TDRD5: variants seen among roughly 807,000 people sequenced by gnomAD.
The protein encoded by TDRD5 is tudor domain containing 5.
Under a neutral mutation model 120.6 loss-of-function variants are expected in TDRD5, and 41 were observed. The ratio of observed to expected loss-of-function variants is 0.34; its 90% CI spans 0.26 to 0.44. The LOEUF (loss-of-function observed/expected upper bound fraction) is 0.44, where lower values mean the gene tolerates loss of function less well. Ranked by LOEUF, TDRD5 falls within the 20% of genes least tolerant of loss-of-function variation. TDRD5 has a pLI of 1.00. For missense variants in TDRD5, 1,006 were observed against 1,221.2 expected, an observed-to-expected ratio of 0.82 and a Z score of 2.63; for synonymous variants, 430 against 433.7, an observed-to-expected ratio of 0.99 and a Z score of 0.11.
chr1:179,600,983 C>A (rs1675673730), intron 4 of TDRD5, among the ~76,000 whole-genome samples: 1 of 152,116 alleles, frequency 6.6e-6, no homozygotes, highest in Non-Finnish European at 1.5e-5. Flanking sequence ...ACATAGATTT[C>A]ATTCCTTATA....
At chr1:179,650,637 C>T (rs1179623557) in intron 11 of TDRD5, among the ~76,000 whole-genome samples, 2 of 152,026 alleles carry the variant, frequency 1.3e-5, no homozygotes, top group Admixed American at 1.3e-4. Context: ...GGAAGTTGCA[C>T]ATCACATAAT....
chr1:179,664,488 C>A (rs914313839), intron 16 of TDRD5, among the ~76,000 whole-genome samples: 2 of 152,144 alleles, frequency 1.3e-5, no homozygotes, highest in Non-Finnish European at 1.5e-5. Flanking sequence ...CCTCTCACAG[C>A]CTTAGGCAGC....
chr1:179,656,023 T>G (rs1678989316), intron 14 of TDRD5, among the ~76,000 whole-genome samples: 1 of 152,230 alleles, frequency 6.6e-6, no homozygotes, highest in Non-Finnish European at 1.5e-5. Context: ...TCAAACTTTT[T>G]TCCAGAGTGG....
intron 11 of TDRD5, among the ~76,000 whole-genome samples, chr1:179,647,819 T>C (rs1678470550): frequency 6.9e-6 from 1 of 145,848 alleles, no homozygotes; most frequent in Admixed American, 7.0e-5. Flanking sequence ...AAGAAGACAT[T>C]TATGCAGCCA....
chr1:179,651,167 A>G, intron 12 of TDRD5, 100 bp downstream of exon 12: 1 of 1,307,146 alleles, frequency 7.7e-7, no homozygotes, highest in Non-Finnish European at 1.0e-6. Context: ...TTTATTCTTT[A>G]ACCAATTAGA....
intron 6 of TDRD5, among the ~76,000 whole-genome samples, chr1:179,624,820 T>G (rs1677031348): frequency 6.6e-6 from 1 of 152,140 alleles, no homozygotes; most frequent in African/African-American, 2.4e-5. Context: ...ATAACATTAA[T>G]GTATGGATTC....
chr1:179,634,487 C>G lies in TDRD5; in HGVS notation c.1157C>G (p.Ala386Gly), dbSNP rs199682173. 1.9e-6 allele frequency: 3 copies of G among 1,604,030 alleles called. No homozygotes were observed. Among genetic ancestry groups the G allele is most frequent in the Non-Finnish European group, 1.7e-6 (2 of 1,177,818 alleles). Residue 386 changes from alanine to glycine, a missense_variant, in exon 8 of 18, where the codon GCT becomes GGT. Physicochemically the swap from Ala to Gly is moderately conservative, Grantham distance 60 (BLOSUM62 0). Coordinates refer to ENST00000444136, the MANE Select transcript of TDRD5 (RefSeq NM_001199085.3). ...VQSDKKIEAK[A>G]CVSSPPRNSL... ...TCAGATAAGAAAATAGAAGCCAAAG[C>G]TTGTGTCTCCAGTCCACCTAGAAAT... is the stretch of plus-strand genomic sequence containing the variant.
intron 7 of TDRD5, among the ~76,000 whole-genome samples, chr1:179,631,482 A>G (rs1349411888): frequency 6.6e-6 from 1 of 152,234 alleles, no homozygotes; most frequent in Non-Finnish European, 1.5e-5. Context: ...CTGATAGTGC[A>G]GTGGTTCTTA....
intron 6 of TDRD5, among the ~76,000 whole-genome samples, 170 bp from the exon 7 acceptor site, chr1:179,630,597 A>G (rs577362585): frequency 1.3e-5 from 2 of 152,258 alleles, no homozygotes; most frequent in South Asian, 2.1e-4. Context: ...ATAGTAAGGG[A>G]TTATTGGTCA....
intron 7 of TDRD5, 30 bp from the exon 8 acceptor site, chr1:179,634,427 T>C (rs1191622992): frequency 6.3e-7 from 1 of 1,575,472 alleles, no homozygotes; most frequent in Non-Finnish European, 8.6e-7. Context: ...TGAGATGGAG[T>C]TGTTTCATCA....
At chr1:179,646,597 C>T (rs12161428) in intron 11 of TDRD5, among the ~76,000 whole-genome samples, 39,153 of 132,456 alleles carry the variant, frequency 0.3, 6,366 homozygotes, top group Admixed American at 0.36. Context: ...TTGGAAGTTC[C>T]GGCCAGGGCA....
At chr1:179,593,417 T>G in intron 2 of TDRD5, 43 bp from the exon 3 acceptor site, 1 of 1,568,224 alleles carries the variant, frequency 6.4e-7, no homozygotes. Context: ...AAGAAGGGAG[T>G]AAGTTTTCCT....
chr1:179,628,319 CTTTTCTTTTTTTTTTTTT>C lies in TDRD5; in HGVS notation c.973-2443_973-2426del, dbSNP rs1306502962. Among the ~76,000 whole-genome samples the C allele has an allele frequency of 1.4e-3, 104 of 76,304 alleles. 1 individual carries two copies. The highest frequency in any genetic ancestry group is 2.1e-3 in the Admixed American group (13 of 6,120). 50.1% of individuals were successfully genotyped at this position (76,304 alleles called of 152,430 possible). The stretch of plus-strand genomic sequence containing the variant: ...TCAATTTATTTATTTCTTTTCTTTT[CTTTTCTTTTTTTTTTTTT>C]TTTTTTTTTTTTTAAGACGGGGTCT... On this transcript the variant is annotated intron_variant, in intron 6 of 17. Transcript: ENST00000444136.
At chr1:179,597,658 A>G (rs1371143396) in intron 4 of TDRD5, among the ~76,000 whole-genome samples, 1 of 152,050 alleles carries the variant, frequency 6.6e-6, no homozygotes, top group Admixed American at 6.5e-5. Flanking sequence ...TTGCCTATCT[A>G]ATGGATTTTA....
At chr1:179,652,424 G>T (rs1678772946) in intron 13 of TDRD5, among the ~76,000 whole-genome samples, 1 of 152,080 alleles carries the variant, frequency 6.6e-6, no homozygotes, top group Non-Finnish European at 1.5e-5. Context: ...TTGTGCAGTT[G>T]TGACTTCACT....
At chr1:179,609,846 A>C (rs1676188349) in intron 4 of TDRD5, among the ~76,000 whole-genome samples, 1 of 152,192 alleles carries the variant, frequency 6.6e-6, no homozygotes, top group Non-Finnish European at 1.5e-5. Context: ...TAGAAACTTA[A>C]GGGAGTTCCT....
chr1:179,651,647 C>T (rs1297751896), intron 12 of TDRD5, among the ~76,000 whole-genome samples: 1 of 152,204 alleles, frequency 6.6e-6, no homozygotes, highest in Non-Finnish European at 1.5e-5. Context: ...GGCGTGGTGG[C>T]TCACGCCTGT....
At chr1:179,681,369 T>A (rs1339176540) in intron 17 of TDRD5, among the ~76,000 whole-genome samples, 1 of 152,260 alleles carries the variant, frequency 6.6e-6, no homozygotes, top group Non-Finnish European at 1.5e-5. Context: ...TTTTAGCTAT[T>A]GTCGTTTTAC....
chr1:179,645,086 T>C lies in TDRD5; in HGVS notation c.1800+4641T>C, dbSNP rs1290012348. Among the ~76,000 whole-genome samples the C allele has an allele frequency of 5.3e-4, 72 of 136,106 alleles. 2 individuals carry two copies. The East Asian group carries it at 0.012, about 22-fold the overall frequency. The allele number at this position is 136,106 out of a possible 152,430, so 89.3% of individuals were successfully genotyped here. A position where few individuals can be genotyped will look rare whatever the true frequency, so the allele number is the denominator to read the frequency against. Reference sequence around the variant, plus strand: ...TTTATAAACATTTTTCTTTTTTTTTTTTTTTTTTTTTTTTTTTGAGACGGA... The same window carrying C: ...TTTATAAACATTTTTCTTTTTTTTTCTTTTTTTTTTTTTTTTTGAGACGGA... On this transcript the variant is annotated intron_variant, in intron 11 of 17. Transcript: ENST00000444136.
Sources: gnomAD v4.1 joint callset for allele counts (sites outside exome capture counted in the v4.1 genomes callset) on GRCh38, gnomAD v4.1.1 for gene constraint, MANE v1.5 for transcripts, NCBI Gene and HGNC (gene_info 2026-07-23, HGNC 2026-07-21) for gene names.